Variants in BAIAP2L1 observed in about 807,000 individuals in gnomAD.
The protein encoded by BAIAP2L1 is BAR/IMD domain-containing adapter protein 2-like 1.
BAIAP2L1 carries 35 observed loss-of-function variants against 66.3 expected under a neutral mutation model. That is an observed-to-expected ratio of 0.53 (90% confidence interval 0.40 to 0.70). The LOEUF (loss-of-function observed/expected upper bound fraction) is 0.70. BAIAP2L1 is among the 30% of genes least tolerant of loss of function. The probability of loss-of-function intolerance (pLI) is 0.00; values close to 1 mark genes in which losing one functional copy is unlikely to be tolerated. For synonymous variants in BAIAP2L1, 269 were observed against 248.7 expected, an observed-to-expected ratio of 1.08 and a Z score of -0.77; for missense variants, 622 against 656.9, an observed-to-expected ratio of 0.95 and a Z score of 0.58.
intron 1 of BAIAP2L1, among the ~76,000 whole-genome samples, chr7:98,396,151 C>T (rs958445519): frequency 6.6e-6 from 1 of 152,096 alleles, no homozygotes; most frequent in African/African-American, 2.4e-5. Context: ...AGTACTGCAA[C>T]CTCTGCCTCC....
At chr7:98,388,810 T>C (rs1802955574) in intron 1 of BAIAP2L1, among the ~76,000 whole-genome samples, 1 of 151,744 alleles carries the variant, frequency 6.6e-6, no homozygotes, top group African/African-American at 2.4e-5. Context: ...CCTGTCTCTA[T>C]GAAAAACATA....
chr7:98,393,334 AC>A (rs1803116895), intron 1 of BAIAP2L1, among the ~76,000 whole-genome samples: 2 of 149,936 alleles, frequency 1.3e-5, no homozygotes, highest in Non-Finnish European at 1.5e-5. Flanking sequence ...GAGCCACTGC[AC>A]CCGGCCATGA....
At chr7:98,347,788 A>G (rs1195545587) in intron 3 of BAIAP2L1, among the ~76,000 whole-genome samples, 1 of 151,986 alleles carries the variant, frequency 6.6e-6, no homozygotes, top group Non-Finnish European at 1.5e-5. Flanking sequence ...AAAAAAAAAA[A>G]GAAATTAGAA....
In BAIAP2L1 at chr7:98,312,020, A is replaced by G. The variant is rs555935058; in HGVS notation, c.807+77T>C. On this transcript the variant is annotated intron_variant, in intron 8 of 13. Transcript: ENST00000005260. ...TAATAAAGGGGGACCTGTGATTCCC[A>G]CCAACACAGGCAAATTTGGCCCAGA... The G allele has an allele frequency of 6.9e-6, 10 of 1,447,890 alleles. No individual in the cohort carries two copies. The African/African-American group carries it at 1.4e-4, about 21-fold the overall frequency. The allele number at this position is 1,447,890 out of a possible 1,614,324, so 89.7% of individuals were successfully genotyped here. A position where few individuals can be genotyped will look rare whatever the true frequency, so the allele number is the denominator to read the frequency against.
intron 3 of BAIAP2L1, among the ~76,000 whole-genome samples, chr7:98,321,972 T>G (rs925219221): frequency 6.6e-6 from 1 of 152,092 alleles, no homozygotes; most frequent in African/African-American, 2.4e-5. Flanking sequence ...GGCACGTGCC[T>G]GTAATCCCAG....
At chr7:98,306,666 G>A in intron 10 of BAIAP2L1, 150 bp from the exon 11 acceptor site, 4 of 1,141,160 alleles carry the variant, frequency 3.5e-6, no homozygotes, top group Non-Finnish European at 4.9e-6. Context: ...CTTTTAATAG[G>A]TAAATATGGA....
At chr7:98,310,798 T>A (rs1175464702) in intron 8 of BAIAP2L1, among the ~76,000 whole-genome samples, 1 of 152,150 alleles carries the variant, frequency 6.6e-6, no homozygotes, top group African/African-American at 2.4e-5. Flanking sequence ...GTGATTCTTG[T>A]GCCTCAGCCT....
Position 98,304,309 on chromosome 7 carries a change from G to A in BAIAP2L1, c.1309C>T (p.Pro437Ser). The stretch of plus-strand genomic sequence containing the variant: ...ATGGACAAGCATTCCAAGTAGTCGG[G>A]TGGGGGGATGACAACACTGCTATTC... ...SENSSVVIPP[P>S]DYLECLSMGA... Residue 437 changes from proline to serine, a missense_variant, in exon 12 of 14, where the codon CCC (proline) becomes TCC (serine). Pro to Ser is a moderately conservative substitution (Grantham distance 74). Coordinates refer to ENST00000005260, the MANE Select transcript of BAIAP2L1 (RefSeq NM_018842.5). 6.2e-7 allele frequency: 1 copy of A among 1,613,500 alleles called. No individual in the cohort carries two copies. The highest frequency in any genetic ancestry group is 8.5e-7 in the Non-Finnish European group (1 of 1,179,694).
chr7:98,386,103 G>A (rs1235987313), intron 1 of BAIAP2L1: 1 of 1,587,380 alleles, frequency 6.3e-7, no homozygotes. Context: ...TCCGGATTTG[G>A]CGGACCTGTT....
intron 3 of BAIAP2L1, among the ~76,000 whole-genome samples, chr7:98,327,114 G>C (rs535970734): frequency 6.6e-6 from 1 of 152,094 alleles, no homozygotes; most frequent in Non-Finnish European, 1.5e-5. Context: ...GAATCCCAGT[G>C]CTCTGGGAGG....
chr7:98,359,154 T>C (rs1335725228), intron 2 of BAIAP2L1, among the ~76,000 whole-genome samples: 1 of 152,162 alleles, frequency 6.6e-6, no homozygotes. Context: ...CCCTGCCTTA[T>C]AGGAGAAATA....
intron 3 of BAIAP2L1, among the ~76,000 whole-genome samples, chr7:98,325,379 T>TA (rs776037712): frequency 4.7e-5 from 7 of 149,030 alleles, no homozygotes; most frequent in East Asian, 4.0e-4. Context: ...AATAAATAAA[T>TA]AATAATAATA....
chr7:98,345,927 AAG>A (rs1375592333), intron 3 of BAIAP2L1, among the ~76,000 whole-genome samples: 2 of 152,090 alleles, frequency 1.3e-5, no homozygotes, highest in South Asian at 2.1e-4. Flanking sequence ...AAAAAAAAAA[AAG>A]AGACAATAAC....
chr7:98,293,732 C>CG, intron 13 of BAIAP2L1, 136 bp from the exon 14 acceptor site: 2 of 806,804 alleles, frequency 2.5e-6, no homozygotes, highest in South Asian at 1.6e-5. Flanking sequence ...GTCCCAGCAG[C>CG]GTTTTCTGAG....
chr7:98,318,408 C>T (rs1801143636), intron 5 of BAIAP2L1, among the ~76,000 whole-genome samples: 1 of 151,882 alleles, frequency 6.6e-6, no homozygotes, highest in African/African-American at 2.4e-5. Context: ...TGTGCCTCAG[C>T]CTCTCCAGTA....
intron 11 of BAIAP2L1, 89 bp downstream of exon 11, chr7:98,306,349 GC>G: frequency 6.8e-7 from 1 of 1,470,212 alleles, no homozygotes; most frequent in East Asian, 2.3e-5. Flanking sequence ...TTAGGGCAGG[GC>G]CTGCGACACA....
At chr7:98,367,780 G>A (rs965598524) in intron 1 of BAIAP2L1, among the ~76,000 whole-genome samples, 4 of 151,714 alleles carry the variant, frequency 2.6e-5, no homozygotes, top group South Asian at 2.1e-4. Flanking sequence ...GATCCACTGC[G>A]GCCAGCCCAA....
At chr7:98,338,704 T>C (rs753578645) in intron 3 of BAIAP2L1, among the ~76,000 whole-genome samples, 6 of 152,336 alleles carry the variant, frequency 3.9e-5, no homozygotes, top group Non-Finnish European at 7.3e-5. Flanking sequence ...TTTTTCCACT[T>C]ATCAGCAGGT....
intron 3 of BAIAP2L1, among the ~76,000 whole-genome samples, chr7:98,343,279 AC>A (rs1801790343): frequency 7.3e-5 from 11 of 150,090 alleles, no homozygotes; most frequent in East Asian, 3.9e-4. Context: ...ACACACACAC[AC>A]ACACACAGAC....
Sources: allele counts gnomAD v4.1 joint callset (sites outside exome capture counted in the v4.1 genomes callset), GRCh38; gene constraint gnomAD v4.1.1; transcripts MANE v1.5; gene names NCBI Gene and HGNC (gene_info 2026-07-23, HGNC 2026-07-21).